MAP3K2: variants seen among roughly 807,000 people sequenced by gnomAD.
MAP3K2 encodes the protein mitogen-activated protein kinase kinase kinase 2.
MAP3K2 carries 24 observed loss-of-function variants against 80.3 expected under a neutral mutation model. That is an observed-to-expected ratio of 0.30 (90% confidence interval 0.22 to 0.42). MAP3K2 has a LOEUF of 0.42. Ranked by LOEUF, MAP3K2 falls within the 10% of genes least tolerant of loss-of-function variation. MAP3K2 has a pLI of 1.00. For synonymous variants in MAP3K2, 244 were observed against 253.7 expected, an observed-to-expected ratio of 0.96 and a Z score of 0.36; for missense variants, 608 against 750.1, an observed-to-expected ratio of 0.81 and a Z score of 2.21.
At position 127,322,982 on chromosome 2, in the gene MAP3K2, T is replaced by C. The variant is rs974415588; in HGVS notation, c.839-730A>G. Among the ~76,000 whole-genome samples the C allele has an allele frequency of 4.0e-5, 6 of 151,802 alleles. No homozygotes were observed. The highest frequency in any genetic ancestry group is 1.5e-4 in the African/African-American group (6 of 41,336). On this transcript the variant is annotated intron_variant, in intron 11 of 16. Coordinates refer to ENST00000682094, the MANE Select transcript of MAP3K2 (RefSeq NM_001371910.2). This position sits in a 1 kb window ranked among gnomAD's most constrained non-coding sequence, Gnocchi z 4.2. ...TAATATCATTTAAAAGTTACTCCTT[T>C]TGGATGGGTGCAGTGGCTCATGCCT...
chr2:127,375,924 G>T (rs1687144602), intron 1 of MAP3K2, among the ~76,000 whole-genome samples: 1 of 151,970 alleles, frequency 6.6e-6, no homozygotes, highest in Admixed American at 6.6e-5. Flanking sequence ...AAAAAATGTT[G>T]ATTATACTCA....
At chr2:127,337,322 C>T (rs1006298200) in intron 4 of MAP3K2, among the ~76,000 whole-genome samples, 25 of 152,126 alleles carry the variant, frequency 1.6e-4, no homozygotes, top group African/African-American at 4.8e-4. Flanking sequence ...TTACTAATGA[C>T]GTAAATGTCA....
intron 7 of MAP3K2, among the ~76,000 whole-genome samples, chr2:127,327,090 C>T (rs553291973): frequency 4.6e-5 from 7 of 152,180 alleles, no homozygotes; most frequent in Admixed American, 2.0e-4. Context: ...GATGATAATA[C>T]AATATAGATT....
chr2:127,374,695 C>G (rs1170632729), intron 1 of MAP3K2, among the ~76,000 whole-genome samples: 1 of 152,226 alleles, frequency 6.6e-6, no homozygotes, highest in Non-Finnish European at 1.5e-5. Flanking sequence ...TACTCATGCT[C>G]TTCCTGGAGA....
At position 127,310,598 on chromosome 2, in the gene MAP3K2, C is replaced by A. The variant is rs1685791651; in HGVS notation, c.1457-1836G>T. 6.6e-6 allele frequency among the ~76,000 whole-genome samples: 1 copy of A among 152,172 alleles called. No homozygotes were observed. Among genetic ancestry groups the A allele is most frequent in the Non-Finnish European group, 1.5e-5 (1 of 68,030 alleles). Reference sequence around the variant, plus strand: ...CCCAGAGGGCCAAGGCTGCGGTGAACTGAGATCATGCCACTGCACTCCCGC... The same window carrying A: ...CCCAGAGGGCCAAGGCTGCGGTGAAATGAGATCATGCCACTGCACTCCCGC... On this transcript the variant is annotated intron_variant, in intron 15 of 16. Transcript: ENST00000682094. The surrounding 1 kb of genome is among the most constrained non-coding windows in gnomAD (Gnocchi z 4.8).
upstream of MAP3K2, chr2:127,388,341 A>G (rs1299953544): frequency 6.0e-5 from 59 of 985,382 alleles, no homozygotes; most frequent in South Asian, 2.6e-3. Context: ...GACAGGGCCC[A>G]AGGGTAGCAG....
chr2:127,353,694 G>A (rs1416444345), intron 1 of MAP3K2, among the ~76,000 whole-genome samples: 1 of 152,030 alleles, frequency 6.6e-6, no homozygotes, highest in Admixed American at 6.5e-5. Flanking sequence ...CGCCCCTACT[G>A]GGAAGTGAGG....
At chr2:127,326,560 TGTTCA>T in intron 8 of MAP3K2, 122 bp downstream of exon 8, 1 of 584,100 alleles carries the variant, frequency 1.7e-6, no homozygotes, top group Non-Finnish European at 2.6e-6. Context: ...TTTTCTATTT[TGTTCA>T]GTTAAGAAGA....
At chr2:127,325,917 T>C (rs1164881059) in intron 8 of MAP3K2, 110 bp from the exon 9 acceptor site, 2 of 719,540 alleles carry the variant, frequency 2.8e-6, no homozygotes, top group East Asian at 2.5e-5. Context: ...AATTCACCCA[T>C]TTAAAGTATA....
intron 1 of MAP3K2, among the ~76,000 whole-genome samples, chr2:127,366,284 A>G (rs566493265): frequency 6.6e-6 from 1 of 151,564 alleles, no homozygotes; most frequent in Non-Finnish European, 1.5e-5. Flanking sequence ...GTGGTCGTGT[A>G]TGCCTGCAGC....
intron 1 of MAP3K2, among the ~76,000 whole-genome samples, chr2:127,347,762 T>C (rs1044276100): frequency 6.6e-6 from 1 of 152,074 alleles, no homozygotes; most frequent in African/African-American, 2.4e-5. Flanking sequence ...GAAACTGCAA[T>C]AGGCACTGAA....
intron 1 of MAP3K2, among the ~76,000 whole-genome samples, chr2:127,376,150 A>G (rs1687148061): frequency 6.6e-6 from 1 of 152,232 alleles, no homozygotes; most frequent in Admixed American, 6.5e-5. Flanking sequence ...AGGTTTTTAC[A>G]AAAGCTTCGG....
chr2:127,388,175 C>G (rs904233585), upstream of MAP3K2: 1 of 984,828 alleles, frequency 1.0e-6, no homozygotes, highest in East Asian at 1.1e-4. Flanking sequence ...CTGGCTCCGC[C>G]CCGGCCTCGG....
rs35560058 is a variant in MAP3K2 at position 127,384,213 on chromosome 2, G to GATATATAT, written c.-66+3231_-66+3238dup. 9.0e-4 allele frequency among the ~76,000 whole-genome samples: 130 copies of GATATATAT among 144,468 alleles called. 1 individual carries two copies. Among genetic ancestry groups the GATATATAT allele is most frequent in the African/African-American group, 3.0e-3 (117 of 38,898 alleles). The allele number at this position is 144,468 out of a possible 152,430, so 94.8% of individuals were successfully genotyped here. A position where few individuals can be genotyped will look rare whatever the true frequency, so the allele number is the denominator to read the frequency against. On this transcript the variant is annotated intron_variant, in intron 1 of 16. Coordinates refer to ENST00000682094, the MANE Select transcript of MAP3K2 (RefSeq NM_001371910.2). The stretch of plus-strand genomic sequence containing the variant: ...CCCGGCCAACAAATAATTTTTAATT[G>GATATATAT]ATATATATATATATATATATATTGC...
rs1338522498 is a variant in MAP3K2, at chr2:127,387,604, G to A, written c.-218C>T. On this transcript the variant is annotated 5_prime_UTR_variant, in exon 1 of 17. Coordinates refer to ENST00000682094, the MANE Select transcript of MAP3K2 (RefSeq NM_001371910.2). ...GGACCGGAGGGGCGCGCGAGGAGTC[G>A]GGCGCGGGCCTTGGGGCCAGGCCCG... is the stretch of plus-strand genomic sequence containing the variant. 1 of 984,966 alleles carries A rather than the reference G, an allele frequency of 1.0e-6. No homozygotes were observed. The highest frequency in any genetic ancestry group is 4.7e-5 in the South Asian group (1 of 21,288). 61.0% of individuals were successfully genotyped at this position (984,966 alleles called of 1,614,324 possible).
rs1250712004 is a variant in MAP3K2 at position 127,318,206 on chromosome 2, T to C, written c.1157A>G (p.Gln386Arg). The part of the protein sequence containing the change: ...VDTGRELAVK[Q>R]VQFDPDSPET... ...AGGACTATCGGGGTCAAATTGAACT[T>C]GCTTAACAGCCAATTCTCTTCCTGT... The change falls in exon 13 of 17, where the codon CAA becomes CGA. Residue 386 changes from glutamine (Q) to arginine (R), a missense_variant. By Grantham distance (43) the Gln-to-Arg change is conservative. This residue lies in a region of MAP3K2 where 467 missense variants were observed against 521.9 expected (regional missense o/e 0.89). Transcript: ENST00000682094. The C allele has an allele frequency of 1.2e-6, 2 of 1,610,572 alleles. No individual in the cohort carries two copies. Among genetic ancestry groups the C allele is most frequent in the Middle Eastern group, 1.7e-4 (1 of 6,054 alleles).
intron 1 of MAP3K2, among the ~76,000 whole-genome samples, chr2:127,370,249 T>C (rs549379920): frequency 6.6e-6 from 1 of 152,324 alleles, no homozygotes; most frequent in South Asian, 2.1e-4. Context: ...CGCTGACTCT[T>C]TATACACCCT....
intron 12 of MAP3K2, among the ~76,000 whole-genome samples, chr2:127,320,729 G>T (rs1413000845): frequency 6.6e-6 from 1 of 152,178 alleles, no homozygotes; most frequent in Admixed American, 6.5e-5. Context: ...TGTGGGGGAA[G>T]AAAGCATATT....
chr2:127,377,108 T>A (rs188264015), intron 1 of MAP3K2, among the ~76,000 whole-genome samples: 1 of 152,140 alleles, frequency 6.6e-6, no homozygotes, highest in Non-Finnish European at 1.5e-5. Context: ...TTCACTCTAT[T>A]CATTTTAAGA....
Sources: allele counts gnomAD v4.1 joint callset (sites outside exome capture counted in the v4.1 genomes callset), GRCh38; gene constraint gnomAD v4.1.1; regional missense constraint gnomAD v4.1.1; non-coding constraint Gnocchi (gnomAD v3.1); transcripts MANE v1.5; gene names NCBI Gene and HGNC (gene_info 2026-07-23, HGNC 2026-07-21).